CPPED1: variants seen among roughly 807,000 people sequenced by gnomAD.
CPPED1 encodes serine/threonine-protein phosphatase CPPED1.
A neutral mutation model predicts 28.0 loss-of-function variants in CPPED1; 28 were observed. The ratio of observed to expected loss-of-function variants is 1.00; its 90% CI spans 0.74 to 1.37. The LOEUF is 1.37. Among genes scored for constraint, CPPED1 ranks in the 40% most tolerant of loss-of-function variants. The probability of loss-of-function intolerance (pLI) is 0.00; values close to 1 mark genes in which losing one functional copy is unlikely to be tolerated. For missense variants in CPPED1, 504 were observed against 416.5 expected (o/e 1.21, Z -1.83); for synonymous variants, 198 against 180.2 (o/e 1.10, Z -0.79).
chr16:12,748,288 T>G (rs948645395), intron 2 of CPPED1, among the ~76,000 whole-genome samples: 2 of 152,052 alleles, frequency 1.3e-5, no homozygotes, highest in Admixed American at 6.6e-5. Context: ...TGAAAATAAA[T>G]GAACTAGAAT....
chr16:12,795,064 G>T (rs2080618793), intron 1 of CPPED1, among the ~76,000 whole-genome samples: 1 of 152,356 alleles, frequency 6.6e-6, no homozygotes, highest in East Asian at 1.9e-4. Flanking sequence ...GGTTTTGGTG[G>T]ATATTTGCTG....
intron 2 of CPPED1, chr16:12,759,239 T>C (rs1173640336): frequency 2.4e-5 from 3 of 127,190 alleles, no homozygotes; most frequent in African/African-American, 5.9e-5. Flanking sequence ...AGTCCGGAAA[T>C]CACATGCAAA....
chr16:12,792,563 T>C (rs2080603046), intron 1 of CPPED1, among the ~76,000 whole-genome samples: 1 of 152,090 alleles, frequency 6.6e-6, no homozygotes, highest in Non-Finnish European at 1.5e-5. Context: ...ACACACCCTA[T>C]ACTTCCTGAT....
intron 2 of CPPED1, among the ~76,000 whole-genome samples, chr16:12,715,774 A>T (rs894517479): frequency 1.3e-5 from 2 of 152,174 alleles, no homozygotes; most frequent in Admixed American, 6.5e-5. Flanking sequence ...GTGATCCTCC[A>T]GCTTCACCGT....
intron 3 of CPPED1, among the ~76,000 whole-genome samples, chr16:12,701,192 GC>G (rs1401116229): frequency 1.3e-5 from 2 of 151,782 alleles, no homozygotes; most frequent in Non-Finnish European, 2.9e-5. Context: ...TCACATCACT[GC>G]ACTCCAGCCT....
At chr16:12,720,335 C>A (rs1252084935) in intron 2 of CPPED1, 1 of 154,356 alleles carries the variant, frequency 6.5e-6, no homozygotes, top group Admixed American at 6.5e-5. Context: ...GTACCTGAAA[C>A]CAAGCACCTG....
At chr16:12,755,632 G>A (rs2080361425) in intron 2 of CPPED1, among the ~76,000 whole-genome samples, 1 of 152,090 alleles carries the variant, frequency 6.6e-6, no homozygotes, top group Non-Finnish European at 1.5e-5. Flanking sequence ...GGGCATTTTT[G>A]TGATAGATAT....
At position 12,735,638 on chromosome 16, in the gene CPPED1, G is replaced by C. The variant is rs554370919; in HGVS notation, c.290-30589C>G. On this transcript the variant is annotated intron_variant, in intron 2 of 3. Coordinates refer to ENST00000381774, the MANE Select transcript of CPPED1 (RefSeq NM_018340.3). ...TAAATTACACTTAGTGTAACAATATGTATAACTATACCACCTGCTTCATAG... is the reference window on the plus strand; with the variant it reads ...TAAATTACACTTAGTGTAACAATATCTATAACTATACCACCTGCTTCATAG... Among the ~76,000 whole-genome samples, 12 of 152,284 alleles carry C rather than the reference G, an allele frequency of 7.9e-5. No homozygotes were observed. In the East Asian group the frequency reaches 2.3e-3, roughly 29 times the overall value.
chr16:12,756,971 C>T (rs990549070), intron 2 of CPPED1, among the ~76,000 whole-genome samples: 1 of 152,074 alleles, frequency 6.6e-6, no homozygotes, highest in Non-Finnish European at 1.5e-5. Flanking sequence ...GATTCAATCC[C>T]GTGAAAAAAC....
intron 2 of CPPED1, among the ~76,000 whole-genome samples, chr16:12,756,421 G>C (rs1028225180): frequency 3.3e-5 from 5 of 152,138 alleles, no homozygotes; most frequent in Admixed American, 1.3e-4. Flanking sequence ...TGAGCCAGGT[G>C]CGGTGGCTCA....
At chr16:12,764,467 T>C (rs966542487) in intron 2 of CPPED1, among the ~76,000 whole-genome samples, 4 of 152,108 alleles carry the variant, frequency 2.6e-5, no homozygotes, top group African/African-American at 9.7e-5. Context: ...CCTCTCAAAG[T>C]GCTGAGATTA....
rs1161356200 is a variant in CPPED1, at chr16:12,663,564, T to C, written c.*1322A>G. On this transcript the variant is annotated 3_prime_UTR_variant, in exon 4 of 4. Coordinates refer to ENST00000381774, the MANE Select transcript of CPPED1 (RefSeq NM_018340.3). The stretch of plus-strand genomic sequence containing the variant: ...GTCACCAGCCTATTGTATAATTAAC[T>C]TCTCGTCTTTTGTTCCTTATGAATT... 2 of 152,262 alleles carry C rather than the reference T, an allele frequency of 1.3e-5. No individual in the cohort carries two copies. 9.4% of individuals were successfully genotyped at this position (152,262 alleles called of 1,614,324 possible). A position where few individuals can be genotyped will look rare whatever the true frequency, so the allele number is the denominator to read the frequency against.
At chr16:12,749,353 C>G (rs2865630) in intron 2 of CPPED1, among the ~76,000 whole-genome samples, 112,164 of 152,066 alleles carry the variant, frequency 0.74, 41,826 homozygotes, top group Admixed American at 0.85. Flanking sequence ...CACTCTCTTT[C>G]TTCATTCCAT....
chr16:12,788,285 G>A (rs906798886), intron 1 of CPPED1, among the ~76,000 whole-genome samples: 1 of 152,188 alleles, frequency 6.6e-6, no homozygotes, highest in Non-Finnish European at 1.5e-5. Flanking sequence ...ACACCTGGAG[G>A]TGAAATCACT....
intron 2 of CPPED1, among the ~76,000 whole-genome samples, chr16:12,728,768 A>G (rs959647326): frequency 6.6e-6 from 1 of 152,062 alleles, no homozygotes; most frequent in Non-Finnish European, 1.5e-5. Flanking sequence ...ACCAGGGAGG[A>G]GCAGTGAGGC....
intron 3 of CPPED1, among the ~76,000 whole-genome samples, chr16:12,672,294 T>G (rs144462508): frequency 1.2e-4 from 19 of 152,242 alleles, no homozygotes; most frequent in Non-Finnish European, 2.2e-4. Context: ...TAGACAGTTA[T>G]CCTTCAGAAA....
chr16:12,781,846 A>C (rs1319347118), intron 1 of CPPED1, among the ~76,000 whole-genome samples: 1 of 152,156 alleles, frequency 6.6e-6, no homozygotes, highest in African/African-American at 2.4e-5. Flanking sequence ...TCGTGGCACC[A>C]TTTCCACCGT....
At chr16:12,788,898 G>C (rs886844825) in intron 1 of CPPED1, among the ~76,000 whole-genome samples, 3 of 152,220 alleles carry the variant, frequency 2.0e-5, no homozygotes, top group Non-Finnish European at 4.4e-5. Flanking sequence ...CAATAGCACA[G>C]GGTTGATTTG....
At chr16:12,732,348 G>C (rs2080202827) in intron 2 of CPPED1, among the ~76,000 whole-genome samples, 2 of 101,148 alleles carry the variant, frequency 2.0e-5, no homozygotes, top group South Asian at 7.2e-4. Flanking sequence ...GAGCAAGGAA[G>C]TGAAAAAAAA....
Sources: gnomAD v4.1 joint callset for allele counts (sites outside exome capture counted in the v4.1 genomes callset) on GRCh38, gnomAD v4.1.1 for gene constraint, MANE v1.5 for transcripts, NCBI Gene and HGNC (gene_info 2026-07-23, HGNC 2026-07-21) for gene names.